Variants in ZNF277 observed in about 807,000 individuals in gnomAD.
The protein encoded by ZNF277 is nuclear receptor-interacting factor 4.
ZNF277 carries 55 observed loss-of-function variants against 60.7 expected under a neutral mutation model. The observed-to-expected ratio is 0.91, with a 90% CI of 0.73 to 1.13. The LOEUF (loss-of-function observed/expected upper bound fraction) is 1.13. ZNF277 is among the 50% of genes most tolerant of loss of function. The pLI is 0.00. For synonymous variants in ZNF277, 178 were observed against 179.3 expected (o/e 0.99, Z 0.06); for missense variants, 510 against 523.0 (o/e 0.98, Z 0.24).
chr7:112,337,729 G>A lies in ZNF277; in HGVS notation c.870-1G>A. On this transcript the variant is annotated splice_acceptor_variant, in intron 8 of 11. Coordinates refer to ENST00000361822, the MANE Select transcript of ZNF277 (RefSeq NM_021994.3). LOFTEE classifies it high-confidence loss of function. Reference sequence around the variant, plus strand: ...ATTTTCTCTCCTCTTTTTTAATTCAGTGACTGGTCTGATTGGGAAGAACAC... The same window carrying A: ...ATTTTCTCTCCTCTTTTTTAATTCAATGACTGGTCTGATTGGGAAGAACAC... The A allele has an allele frequency of 6.2e-7, 1 of 1,610,632 alleles. No homozygotes were observed. The highest frequency in any genetic ancestry group is 8.5e-7 in the Non-Finnish European group (1 of 1,178,848).
intron 11 of ZNF277, among the ~76,000 whole-genome samples, chr7:112,341,408 G>A (rs543641278): frequency 3.9e-5 from 6 of 152,222 alleles, no homozygotes; most frequent in African/African-American, 1.4e-4. Flanking sequence ...AATATCCATT[G>A]TATGGATATA....
At chr7:112,266,792 C>T (rs773735519) in intron 1 of ZNF277, among the ~76,000 whole-genome samples, 4 of 151,870 alleles carry the variant, frequency 2.6e-5, no homozygotes, top group Non-Finnish European at 2.9e-5. Flanking sequence ...TTTTCGGTTT[C>T]GAAATATCCC....
intron 4 of ZNF277, among the ~76,000 whole-genome samples, chr7:112,311,090 C>T (rs533043955): frequency 7.2e-5 from 11 of 152,084 alleles, no homozygotes; most frequent in African/African-American, 2.7e-4. Flanking sequence ...TTTTAAATTG[C>T]TCTTTCATAA....
chr7:112,232,684 G>T (rs1259263869), intron 1 of ZNF277, among the ~76,000 whole-genome samples: 1 of 152,120 alleles, frequency 6.6e-6, no homozygotes, highest in African/African-American at 2.4e-5. Flanking sequence ...GCGCAGTTGT[G>T]TATCAAATGT....
intron 7 of ZNF277, among the ~76,000 whole-genome samples, chr7:112,334,555 C>G (rs149868555): frequency 6.6e-6 from 1 of 152,206 alleles, no homozygotes; most frequent in East Asian, 1.9e-4. Flanking sequence ...ATTTTCCTCT[C>G]AAGTGGGGTA....
chr7:112,322,513 A>T (rs561505914), intron 5 of ZNF277, among the ~76,000 whole-genome samples: 19 of 149,698 alleles, frequency 1.3e-4, no homozygotes, highest in Non-Finnish European at 2.2e-4. Context: ...TTGTCTTTTT[A>T]AAAAAAATAC....
intron 4 of ZNF277, among the ~76,000 whole-genome samples, chr7:112,302,235 T>C (rs1172665596): frequency 1.3e-5 from 2 of 152,088 alleles, no homozygotes; most frequent in Non-Finnish European, 2.9e-5. Context: ...TTTCTGTTTT[T>C]AATTCTACTT....
chr7:112,263,399 T>G (rs1175786399), intron 1 of ZNF277, among the ~76,000 whole-genome samples: 1 of 152,230 alleles, frequency 6.6e-6, no homozygotes, highest in East Asian at 1.9e-4. Context: ...TGTTTATGAT[T>G]CTTACTACTT....
intron 1 of ZNF277, among the ~76,000 whole-genome samples, chr7:112,213,641 A>G (rs1563192784): frequency 6.6e-6 from 1 of 152,224 alleles, no homozygotes; most frequent in East Asian, 1.9e-4. Flanking sequence ...TGATGAAAAG[A>G]GTAGCTTGCC....
chr7:112,296,223 C>A lies in ZNF277; in HGVS notation c.383-6C>A. The A allele has an allele frequency of 1.9e-6, 3 of 1,548,056 alleles. No individual in the cohort carries two copies. In the South Asian group the frequency reaches 3.5e-5, roughly 18 times the overall value. ...TTTCTTATTTGTTTTCCTAATCTCTCAACAGAAGAACAAGAGAATTATTTT... is the reference window on the plus strand; with the variant it reads ...TTTCTTATTTGTTTTCCTAATCTCTAAACAGAAGAACAAGAGAATTATTTT... On this transcript the variant is annotated splice_polypyrimidine_tract_variant and splice_region_variant and intron_variant, in intron 3 of 11. Transcript: ENST00000361822.
Position 112,337,783 on chromosome 7 carries a change from A to C in ZNF277, c.923A>C (p.Glu308Ala), listed in dbSNP as rs376266241. The C allele has an allele frequency of 3.2e-5, 52 of 1,612,392 alleles. No individual in the cohort carries two copies. Among genetic ancestry groups the C allele is most frequent in the East Asian group, 2.7e-4 (12 of 44,860 alleles). ...HPASAVCLFC[E>A]KQAETIEKLY... ...GCCTCTGCAGTCTGCTTATTTTGTG[A>C]AAAGCAAGCAGAAACAATTGAGAAG... The change falls in exon 9 of 12, where the codon GAA becomes GCA. Residue 308 changes from glutamate (E) to alanine (A), a missense_variant. By Grantham distance (107) the Glu-to-Ala change is moderately radical. Transcript: ENST00000361822.
intron 1 of ZNF277, among the ~76,000 whole-genome samples, chr7:112,261,222 C>T (rs1791431156): frequency 6.6e-6 from 1 of 152,192 alleles, no homozygotes; most frequent in African/African-American, 2.4e-5. Context: ...TATCTGGTGT[C>T]ATCAGCTTCA....
At chr7:112,278,710 A>T (rs996826936) in intron 1 of ZNF277, among the ~76,000 whole-genome samples, 1 of 152,066 alleles carries the variant, frequency 6.6e-6, no homozygotes, top group Non-Finnish European at 1.5e-5. Flanking sequence ...TCCAGCCTTG[A>T]CTTTTCTCTC....
At chr7:112,334,546 T>C (rs1446884856) in intron 7 of ZNF277, among the ~76,000 whole-genome samples, 1 of 152,104 alleles carries the variant, frequency 6.6e-6, no homozygotes, top group Admixed American at 6.6e-5. Flanking sequence ...TGTACATTCA[T>C]TTTCCTCTCA....
intron 4 of ZNF277, among the ~76,000 whole-genome samples, chr7:112,307,722 C>T (rs989319603): frequency 6.6e-6 from 1 of 151,912 alleles, no homozygotes; most frequent in Non-Finnish European, 1.5e-5. Flanking sequence ...ATAGGATGTT[C>T]TCTTGTATCT....
chr7:112,287,115 A>G (rs1389117856), intron 2 of ZNF277, 41 bp downstream of exon 2: 1 of 1,600,282 alleles, frequency 6.2e-7, no homozygotes. Context: ...AAATTTGACC[A>G]TGTGTGGTGG....
At chr7:112,260,239 C>T (rs1380688147) in intron 1 of ZNF277, among the ~76,000 whole-genome samples, 1 of 152,164 alleles carries the variant, frequency 6.6e-6, no homozygotes, top group East Asian at 1.9e-4. Context: ...GCACTCCACC[C>T]TAGTGATAGG....
intron 5 of ZNF277, among the ~76,000 whole-genome samples, chr7:112,326,782 C>T (rs1442267557): frequency 6.6e-6 from 1 of 151,836 alleles, no homozygotes; most frequent in African/African-American, 2.4e-5. Context: ...TAGATAAAAC[C>T]ATATGATATG....
chr7:112,279,740 C>T (rs1161552892), intron 1 of ZNF277, among the ~76,000 whole-genome samples: 5 of 151,892 alleles, frequency 3.3e-5, no homozygotes, highest in Admixed American at 1.3e-4. Flanking sequence ...ATATTATATA[C>T]GGCATTTCTA....
Sources: allele counts gnomAD v4.1 joint callset (sites outside exome capture counted in the v4.1 genomes callset), GRCh38; gene constraint gnomAD v4.1.1; transcripts MANE v1.5; gene names NCBI Gene and HGNC (gene_info 2026-07-23, HGNC 2026-07-21).